Variants in TENM2 observed in about 807,000 individuals in gnomAD.
TENM2 encodes teneurin transmembrane protein 2, also known as teneurin-2.
Under a neutral mutation model 245.2 loss-of-function variants are expected in TENM2, and 52 were observed. The ratio of observed to expected loss-of-function variants is 0.21; its 90% CI spans 0.17 to 0.27. The LOEUF (loss-of-function observed/expected upper bound fraction) is 0.27, where lower values mean the gene tolerates loss of function less well. Among genes scored for constraint, TENM2 ranks in the 10% least tolerant of loss-of-function variants. The pLI, the probability that TENM2 is intolerant of heterozygous loss-of-function variation, is 1.00. For synonymous variants in TENM2, 1,363 were observed against 1,438.9 expected, an observed-to-expected ratio of 0.95 and a Z score of 1.19; for missense variants, 3,046 against 3,666.8, an observed-to-expected ratio of 0.83 and a Z score of 4.37.
At chr5:167,133,417 C>T in the TENM2 span, among the ~76,000 whole-genome samples, 2 of 152,122 alleles carry the variant, frequency 1.3e-5, no homozygotes, top group African/African-American at 4.8e-5. Flanking sequence ...TCATATCTGA[C>T]CACTCCATTA....
the TENM2 span, among the ~76,000 whole-genome samples, chr5:167,020,461 C>A: frequency 1.3e-5 from 2 of 152,160 alleles, no homozygotes; most frequent in African/African-American, 4.8e-5. Context: ...ACCATTGGGC[C>A]TACTATACCC....
intron 2 of TENM2, among the ~76,000 whole-genome samples, chr5:167,466,896 T>C (rs1333816651): frequency 6.6e-6 from 1 of 152,194 alleles, no homozygotes; most frequent in Non-Finnish European, 1.5e-5. Flanking sequence ...GTGATTCACC[T>C]GAAGTAGTTC....
At chr5:167,072,350 G>A in the TENM2 span, among the ~76,000 whole-genome samples, 1 of 152,168 alleles carries the variant, frequency 6.6e-6, no homozygotes, top group Non-Finnish European at 1.5e-5. Context: ...GAGGAACTTA[G>A]TGAGTCACTT....
At chr5:167,390,086 C>T (rs940687810) in intron 2 of TENM2, among the ~76,000 whole-genome samples, 1 of 152,120 alleles carries the variant, frequency 6.6e-6, no homozygotes, top group South Asian at 2.1e-4. Context: ...AAAAAGTGTT[C>T]ACTTATTGGT....
At chr5:168,062,489 T>C (rs1466126955) in intron 7 of TENM2, among the ~76,000 whole-genome samples, 1 of 152,202 alleles carries the variant, frequency 6.6e-6, no homozygotes, top group Non-Finnish European at 1.5e-5. Context: ...CAAAGTTAAA[T>C]GTAGACTTAC....
At chr5:167,055,801 A>G in the TENM2 span, among the ~76,000 whole-genome samples, 1 of 152,040 alleles carries the variant, frequency 6.6e-6, no homozygotes, top group African/African-American at 2.4e-5. Context: ...GGTTTTTAAA[A>G]TATTTTTGGG....
chr5:168,144,952 G>A (rs1276902048), intron 12 of TENM2, among the ~76,000 whole-genome samples: 48 of 151,354 alleles, frequency 3.2e-4, no homozygotes, highest in Non-Finnish European at 4.7e-4. Flanking sequence ...ATTTTTTCAT[G>A]TGTTTTTTGG....
chr5:167,887,461 TGTAACA>T (rs1554138727), intron 3 of TENM2, among the ~76,000 whole-genome samples: 1 of 152,224 alleles, frequency 6.6e-6, no homozygotes, highest in Non-Finnish European at 1.5e-5. Context: ...TGCAGGTCAC[TGTAACA>T]TTTTTAGATC....
chr5:167,982,840 A>C (rs919690146), intron 4 of TENM2, among the ~76,000 whole-genome samples: 1 of 152,214 alleles, frequency 6.6e-6, no homozygotes, highest in Non-Finnish European at 1.5e-5. Flanking sequence ...ATGTAATCAC[A>C]TGAAGCAGAA....
intron 2 of TENM2, among the ~76,000 whole-genome samples, chr5:167,814,453 C>CA (rs11324953): frequency 0.31 from 26,294 of 83,496 alleles, 2,861 homozygotes; most frequent in East Asian, 0.44. Flanking sequence ...CACTCCGATT[C>CA]AAAAAAAAAA....
At chr5:168,249,101 G>A (rs1194243382) in intron 27 of TENM2, among the ~76,000 whole-genome samples, 1 of 149,888 alleles carries the variant, frequency 6.7e-6, no homozygotes, top group Non-Finnish European at 1.5e-5. Context: ...CCTAGCCTAG[G>A]TGACAGAGCA....
At chr5:167,298,529 A>T (rs2127731612) in intron 1 of TENM2, among the ~76,000 whole-genome samples, 1 of 152,260 alleles carries the variant, frequency 6.6e-6, no homozygotes, top group East Asian at 1.9e-4. Context: ...CGTAAACCCC[A>T]GGGGGCGGAG....
chr5:167,185,709 G>A, the TENM2 span, among the ~76,000 whole-genome samples: 5 of 149,052 alleles, frequency 3.4e-5, no homozygotes, highest in African/African-American at 1.3e-4. Flanking sequence ...TTTCTTGAAG[G>A]TCATTTTTTT....
At chr5:168,242,782 G>A (rs760076392) in intron 25 of TENM2, among the ~76,000 whole-genome samples, 6 of 151,956 alleles carry the variant, frequency 3.9e-5, no homozygotes, top group African/African-American at 1.5e-4. Context: ...GTGAAACCTC[G>A]TCTCTACTAA....
At chr5:167,102,317 GCTA>G in the TENM2 span, among the ~76,000 whole-genome samples, 1 of 152,134 alleles carries the variant, frequency 6.6e-6, no homozygotes, top group Non-Finnish European at 1.5e-5. Flanking sequence ...AACAAGAGAT[GCTA>G]CTAATACGTC....
chr5:167,822,124 A>G (rs1052668417), intron 2 of TENM2, among the ~76,000 whole-genome samples: 5 of 151,516 alleles, frequency 3.3e-5, no homozygotes, highest in Non-Finnish European at 5.9e-5. Context: ...CAAACCTTCC[A>G]CTCTTTGGGA....
intron 2 of TENM2, among the ~76,000 whole-genome samples, chr5:167,414,464 G>T (rs1763064539): frequency 6.6e-6 from 1 of 152,042 alleles, no homozygotes; most frequent in Non-Finnish European, 1.5e-5. Flanking sequence ...TAGCAAAATG[G>T]ATAAAATTGG....
intron 1 of TENM2, among the ~76,000 whole-genome samples, chr5:167,288,311 G>A (rs1754412049): frequency 6.6e-6 from 1 of 152,116 alleles, no homozygotes; most frequent in African/African-American, 2.4e-5. Context: ...TGTAATCCCA[G>A]CACTTTGGGA....
At chr5:167,262,817 G>A in the TENM2 span, among the ~76,000 whole-genome samples, 29 of 152,044 alleles carry the variant, frequency 1.9e-4, no homozygotes, top group African/African-American at 6.5e-4. Flanking sequence ...AGCGTGTTCA[G>A]GCAGCTATCA....
Sources: gnomAD v4.1 joint callset for allele counts (sites outside exome capture counted in the v4.1 genomes callset) on GRCh38, gnomAD v4.1.1 for gene constraint, MANE v1.5 for transcripts, NCBI Gene and HGNC (gene_info 2026-07-23, HGNC 2026-07-21) for gene names.